The following AGBL4 variants were observed in gnomAD, a reference collection of about 807,000 sequenced individuals.
AGBL4 encodes the protein cytosolic carboxypeptidase 6.
A neutral mutation model predicts 66.4 loss-of-function variants in AGBL4; 58 were observed. The ratio of observed to expected loss-of-function variants is 0.87; its 90% CI spans 0.71 to 1.09. The LOEUF (loss-of-function observed/expected upper bound fraction) is 1.09, where lower values mean the gene tolerates loss of function less well. Ranked by LOEUF, AGBL4 falls within the 50% of genes least tolerant of loss-of-function variation. The pLI is 0.00. For synonymous variants in AGBL4, 234 were observed against 222.9 expected (o/e 1.05, Z -0.44); for missense variants, 579 against 631.0 (o/e 0.92, Z 0.88).
At chr1:48,693,539 C>T (rs145885229) in intron 6 of AGBL4, among the ~76,000 whole-genome samples, 48 of 152,292 alleles carry the variant, frequency 3.2e-4, no homozygotes, top group African/African-American at 9.6e-4. Context: ...CAGGTCAAGG[C>T]GTGCTTTCGT....
chr1:48,862,357 A>G (rs1036587720), intron 6 of AGBL4, among the ~76,000 whole-genome samples: 2 of 152,206 alleles, frequency 1.3e-5, no homozygotes, highest in African/African-American at 4.8e-5. Context: ...TTTTTTTGAC[A>G]GGACTTACTT....
At chr1:48,531,203 T>C (rs536963561), downstream of AGBL4, among the ~76,000 whole-genome samples, 481 of 124,536 alleles carry the variant, frequency 3.9e-3, 2 homozygotes, top group East Asian at 0.028. Flanking sequence ...GCCAGCTTTT[T>C]TTTTTCTCTC....
At chr1:49,614,192 T>C (rs907842075) in intron 3 of AGBL4, among the ~76,000 whole-genome samples, 8 of 152,334 alleles carry the variant, frequency 5.3e-5, no homozygotes, top group Non-Finnish European at 7.3e-5. Flanking sequence ...TAAACAGCAC[T>C]GCAGAGGCCT....
chr1:48,653,473 G>C (rs989801506), intron 7 of AGBL4, 22 bp from the exon 8 acceptor site: 2 of 1,484,334 alleles, frequency 1.3e-6, no homozygotes, highest in Non-Finnish European at 1.8e-6. Flanking sequence ...GAAGAGCCCG[G>C]TTTAACAACA....
At chr1:49,294,916 C>T (rs1644610971) in intron 3 of AGBL4, among the ~76,000 whole-genome samples, 1 of 152,240 alleles carries the variant, frequency 6.6e-6, no homozygotes, top group Non-Finnish European at 1.5e-5. Flanking sequence ...CTGCATCCCT[C>T]ATCCTCCAAA....
chr1:48,715,354 A>G (rs1647032486), intron 6 of AGBL4, among the ~76,000 whole-genome samples: 1 of 152,124 alleles, frequency 6.6e-6, no homozygotes, highest in South Asian at 2.1e-4. Context: ...CAGCCCAGTA[A>G]CACCCATCCC....
intron 9 of AGBL4, among the ~76,000 whole-genome samples, chr1:48,608,569 GGATA>G (rs1186065795): frequency 2.0e-5 from 3 of 151,834 alleles, no homozygotes; most frequent in East Asian, 1.9e-4. Flanking sequence ...ATGGATGGAT[GGATA>G]GATGGATGGA....
At chr1:49,237,982 G>A (rs149856790) in intron 4 of AGBL4, among the ~76,000 whole-genome samples, 3 of 151,820 alleles carry the variant, frequency 2.0e-5, no homozygotes, top group East Asian at 3.9e-4. Flanking sequence ...AAAAGGGTCC[G>A]GGTTGATGTT....
chr1:49,120,008 T>A (rs1448497554), intron 4 of AGBL4, among the ~76,000 whole-genome samples: 2 of 151,796 alleles, frequency 1.3e-5, no homozygotes, highest in Non-Finnish European at 2.9e-5. Flanking sequence ...CAACACCTGC[T>A]TTTTTTTGCT....
chr1:49,833,604 A>C (rs1225898735), intron 2 of AGBL4, among the ~76,000 whole-genome samples: 1 of 152,048 alleles, frequency 6.6e-6, no homozygotes, highest in South Asian at 2.1e-4. Context: ...TTTTCACGAT[A>C]TTGATTCTTC....
intron 1 of AGBL4, among the ~76,000 whole-genome samples, chr1:49,916,561 C>T (rs895442919): frequency 1.3e-5 from 2 of 152,094 alleles, no homozygotes; most frequent in East Asian, 1.9e-4. Context: ...AAGAACAAAG[C>T]CTCCAAGAAA....
At chr1:48,836,831 T>A (rs770435496) in intron 6 of AGBL4, among the ~76,000 whole-genome samples, 5 of 152,054 alleles carry the variant, frequency 3.3e-5, no homozygotes, top group African/African-American at 4.8e-5. Flanking sequence ...TAGACTTAGA[T>A]TCATTTATTA....
At chr1:49,283,924 A>T (rs1242881872) in intron 3 of AGBL4, among the ~76,000 whole-genome samples, 1 of 149,996 alleles carries the variant, frequency 6.7e-6, no homozygotes, top group African/African-American at 2.5e-5. Flanking sequence ...GGGAGAATGG[A>T]ACCAAGTTGG....
intron 2 of AGBL4, among the ~76,000 whole-genome samples, chr1:49,707,113 C>T (rs1647263491): frequency 6.6e-6 from 1 of 152,064 alleles, no homozygotes; most frequent in Non-Finnish European, 1.5e-5. Context: ...AATTTTCTGT[C>T]TCGTTGATCT....
chr1:49,525,639 T>C (rs1461111132), intron 3 of AGBL4, among the ~76,000 whole-genome samples: 1 of 151,828 alleles, frequency 6.6e-6, no homozygotes, highest in Non-Finnish European at 1.5e-5. Flanking sequence ...ACCTAGATCT[T>C]ATGTAAAAGG....
chr1:49,361,515 A>G (rs1383592516), intron 3 of AGBL4, among the ~76,000 whole-genome samples: 3 of 152,144 alleles, frequency 2.0e-5, no homozygotes, highest in Non-Finnish European at 2.9e-5. Flanking sequence ...TAGTATGGAC[A>G]GAGTTTCACC....
intron 11 of AGBL4, among the ~76,000 whole-genome samples, chr1:48,570,232 T>A (rs527882258): frequency 3.2e-4 from 49 of 152,282 alleles, no homozygotes; most frequent in South Asian, 1.2e-3. Context: ...GGTGAAGAGG[T>A]ATGGAGGAGT....
At chr1:49,214,761 C>T (rs1170084603) in intron 4 of AGBL4, among the ~76,000 whole-genome samples, 3 of 152,030 alleles carry the variant, frequency 2.0e-5, no homozygotes, top group African/African-American at 4.8e-5. Flanking sequence ...TAATAAGCCT[C>T]CTGTTTAGAA....
At chr1:49,203,194 C>T (rs1042613678) in intron 4 of AGBL4, among the ~76,000 whole-genome samples, 4 of 151,632 alleles carry the variant, frequency 2.6e-5, no homozygotes, top group Non-Finnish European at 4.4e-5. Context: ...GATATAGCCT[C>T]GATAGAAAAC....
Sources: allele counts gnomAD v4.1 joint callset (sites outside exome capture counted in the v4.1 genomes callset), GRCh38; gene constraint gnomAD v4.1.1; transcripts MANE v1.5; gene names NCBI Gene and HGNC (gene_info 2026-07-23, HGNC 2026-07-21).